CAMKMT: variants seen among roughly 807,000 people sequenced by gnomAD.
CAMKMT encodes calmodulin-lysine N-methyltransferase.
A neutral mutation model predicts 48.0 loss-of-function variants in CAMKMT; 53 were observed. That is an observed-to-expected ratio of 1.10 (90% CI 0.89 to 1.39). CAMKMT has a LOEUF of 1.39. Ranked by LOEUF, CAMKMT falls within the 40% of genes most tolerant of loss-of-function variation. CAMKMT has a pLI of 0.00. For synonymous variants in CAMKMT, 165 were observed against 152.3 expected, an observed-to-expected ratio of 1.08 and a Z score of -0.61; for missense variants, 428 against 402.7, an observed-to-expected ratio of 1.06 and a Z score of -0.54.
chr2:44,523,809 G>A (rs189049254), intron 3 of CAMKMT, among the ~76,000 whole-genome samples: 440 of 119,846 alleles, frequency 3.7e-3, no homozygotes, highest in Middle Eastern at 0.024. Context: ...ATGGAGTCTC[G>A]CCCTGTCACC....
intron 3 of CAMKMT, among the ~76,000 whole-genome samples, chr2:44,613,536 G>A (rs1194664428): frequency 6.6e-6 from 1 of 152,180 alleles, no homozygotes; most frequent in Non-Finnish European, 1.5e-5. Context: ...TATATGCAAA[G>A]CACTGTGTTT....
chr2:44,504,135 C>G (rs1375766735), intron 3 of CAMKMT, among the ~76,000 whole-genome samples: 3 of 152,022 alleles, frequency 2.0e-5, no homozygotes, highest in Admixed American at 1.3e-4. Context: ...CTTCAAATAC[C>G]ATCACATTAG....
At chr2:44,524,563 C>T (rs1293870640) in intron 3 of CAMKMT, among the ~76,000 whole-genome samples, 2 of 149,928 alleles carry the variant, frequency 1.3e-5, no homozygotes, top group African/African-American at 2.5e-5. Context: ...TACCATTCTT[C>T]TTCCTTCCTC....
intron 3 of CAMKMT, among the ~76,000 whole-genome samples, chr2:44,685,626 G>C (rs1465443339): frequency 1.3e-5 from 2 of 152,184 alleles, no homozygotes; most frequent in Non-Finnish European, 2.9e-5. Context: ...GCACAGAGAG[G>C]AGAGGGAACA....
chr2:44,473,195 C>T (rs528473092), intron 3 of CAMKMT, among the ~76,000 whole-genome samples: 19 of 152,110 alleles, frequency 1.2e-4, no homozygotes, highest in Admixed American at 1.1e-3. Context: ...TATTATTGGC[C>T]AACATATGTT....
intron 3 of CAMKMT, among the ~76,000 whole-genome samples, chr2:44,416,921 G>C (rs1312856310): frequency 6.6e-6 from 1 of 151,472 alleles, no homozygotes. Context: ...TGTATCTGTT[G>C]TTCGTTTCTT....
At chr2:44,446,949 A>G (rs1667035346) in intron 3 of CAMKMT, among the ~76,000 whole-genome samples, 1 of 152,160 alleles carries the variant, frequency 6.6e-6, no homozygotes, top group Admixed American at 6.5e-5. Context: ...CCACGTTAGC[A>G]TTTATGAAGG....
At chr2:44,451,228 G>A (rs1232156555) in intron 3 of CAMKMT, among the ~76,000 whole-genome samples, 1 of 151,940 alleles carries the variant, frequency 6.6e-6, no homozygotes. Flanking sequence ...AATACCATGG[G>A]TGGTATTCTT....
intron 3 of CAMKMT, among the ~76,000 whole-genome samples, chr2:44,437,838 CAAAAA>C (rs370663723): frequency 1.7e-5 from 2 of 120,504 alleles, no homozygotes; most frequent in African/African-American, 3.0e-5. Context: ...GACTCTGCTA[CAAAAA>C]AAAAAAAAAA....
chr2:44,610,414 T>G (rs974588919), intron 3 of CAMKMT, among the ~76,000 whole-genome samples: 1 of 152,142 alleles, frequency 6.6e-6, no homozygotes, highest in African/African-American at 2.4e-5. Context: ...CTGGGGTGTC[T>G]CCTATTTGGG....
chr2:44,453,431 A>G (rs993532108), intron 3 of CAMKMT, among the ~76,000 whole-genome samples: 22 of 152,198 alleles, frequency 1.4e-4, no homozygotes, highest in African/African-American at 4.1e-4. Context: ...TCTAAACATA[A>G]TAATGCACAT....
chr2:44,593,584 T>G (rs1558730077), intron 3 of CAMKMT, among the ~76,000 whole-genome samples: 1 of 152,174 alleles, frequency 6.6e-6, no homozygotes, highest in Non-Finnish European at 1.5e-5. Context: ...CTCATTTGTA[T>G]TCTGTCTCCC....
intron 3 of CAMKMT, among the ~76,000 whole-genome samples, chr2:44,543,617 A>G (rs1015663726): frequency 6.6e-6 from 1 of 152,176 alleles, no homozygotes; most frequent in Non-Finnish European, 1.5e-5. Context: ...GAGTGGTCCA[A>G]CCCAACCCTA....
chr2:44,361,948 G>C lies in CAMKMT; in HGVS notation c.-60G>C. On this transcript the variant is annotated 5_prime_UTR_variant, in exon 1 of 11. Coordinates refer to ENST00000378494, the MANE Select transcript of CAMKMT (RefSeq NM_024766.5). Reference sequence around the variant, plus strand: ...GGTCCTGACAGGGAAGAAGTTGGCAGGTCCTGGCAGGGGACGAGCTGCGGC... The same window carrying C: ...GGTCCTGACAGGGAAGAAGTTGGCACGTCCTGGCAGGGGACGAGCTGCGGC... The C allele has an allele frequency of 7.4e-7, 1 of 1,357,382 alleles. No individual in the cohort carries two copies. The highest frequency in any genetic ancestry group is 3.1e-5 in the East Asian group (1 of 32,104). 84.1% of individuals were successfully genotyped at this position (1,357,382 alleles called of 1,614,324 possible).
intron 9 of CAMKMT, among the ~76,000 whole-genome samples, chr2:44,756,641 C>G (rs1221023393): frequency 6.6e-6 from 1 of 151,554 alleles, no homozygotes; most frequent in Non-Finnish European, 1.5e-5. Flanking sequence ...ACTCGGGAGG[C>G]TGAGGCAGGA....
At chr2:44,456,674 T>G in intron 3 of CAMKMT, 1 of 1,504,618 alleles carries the variant, frequency 6.6e-7, no homozygotes, top group Non-Finnish European at 9.0e-7. Context: ...AGAAAAGATG[T>G]TTTGGCCAAG....
chr2:44,707,304 G>A, intron 5 of CAMKMT, 95 bp from the exon 6 acceptor site: 1 of 968,488 alleles, frequency 1.0e-6, no homozygotes, highest in East Asian at 2.5e-5. Context: ...AATAGGTGAG[G>A]AAGCATGATA....
chr2:44,544,054 A>G (rs1257352260), intron 3 of CAMKMT, among the ~76,000 whole-genome samples: 1 of 152,166 alleles, frequency 6.6e-6, no homozygotes, highest in Non-Finnish European at 1.5e-5. Flanking sequence ...TACTCTTGGA[A>G]AAATAATTTG....
In CAMKMT at chr2:44,598,959, A is replaced by G. The variant is rs768338861; in HGVS notation, c.377-105324A>G. On this transcript the variant is annotated intron_variant, in intron 3 of 10. Transcript: ENST00000378494. ...CGGTAAAAAGCTGTAATTACCTAAG[A>G]AAAGCATAGCATTTTTGTCTGTGCA... Among the ~76,000 whole-genome samples, 5 of 152,062 alleles carry G rather than the reference A, an allele frequency of 3.3e-5. No homozygotes were observed. The South Asian group carries it at 8.3e-4, about 25-fold the overall frequency.
Sources: allele counts gnomAD v4.1 joint callset (sites outside exome capture counted in the v4.1 genomes callset), GRCh38; gene constraint gnomAD v4.1.1; transcripts MANE v1.5; gene names NCBI Gene and HGNC (gene_info 2026-07-23, HGNC 2026-07-21).